Variants in ZNF804B observed in about 807,000 individuals in gnomAD.
The protein encoded by ZNF804B is zinc finger protein 804B, also known as zinc finger 804B.
Under a neutral mutation model 101.4 loss-of-function variants are expected in ZNF804B, and 80 were observed. The observed-to-expected ratio is 0.79, with a 90% CI of 0.66 to 0.95. The LOEUF is 0.95. Ranked by LOEUF, ZNF804B falls within the 40% of genes least tolerant of loss-of-function variation. ZNF804B has a pLI of 0.00. For missense variants in ZNF804B, 1,673 were observed against 1,561.9 expected, an observed-to-expected ratio of 1.07 and a Z score of -1.20; for synonymous variants, 622 against 558.8, an observed-to-expected ratio of 1.11 and a Z score of -1.59.
At chr7:89,079,989 T>A (rs764880342) in intron 1 of ZNF804B, among the ~76,000 whole-genome samples, 1 of 151,864 alleles carries the variant, frequency 6.6e-6, no homozygotes, top group Admixed American at 6.6e-5. Flanking sequence ...ATGAAGGCTT[T>A]GAGCTTTGGC....
chr7:89,008,734 T>C (rs962890898), intron 1 of ZNF804B, among the ~76,000 whole-genome samples: 2 of 152,124 alleles, frequency 1.3e-5, no homozygotes, highest in African/African-American at 4.8e-5. Context: ...TTTATTCCCA[T>C]CTTTCACTCA....
chr7:89,278,602 T>C (rs927118105), intron 2 of ZNF804B, among the ~76,000 whole-genome samples: 1 of 152,114 alleles, frequency 6.6e-6, no homozygotes, highest in African/African-American at 2.4e-5. Flanking sequence ...ATTTATTAAA[T>C]AAGGAATCCT....
Position 89,211,539 on chromosome 7 carries a change from G to A in ZNF804B, c.109-6616G>A, listed in dbSNP as rs755749934. ...CTTAATCCATATTGAGTTAATTTTT[G>A]TATAAGGTGAAAGGAAGGGGTCCAG... On this transcript the variant is annotated intron_variant, in intron 1 of 3. Transcript: ENST00000333190. Among the ~76,000 whole-genome samples, 7 of 152,150 alleles carry A rather than the reference G, an allele frequency of 4.6e-5. No homozygotes were observed. The East Asian group carries it at 1.2e-3, about 25-fold the overall frequency.
At chr7:88,769,532 T>G (rs953083255) in intron 1 of ZNF804B, among the ~76,000 whole-genome samples, 1 of 152,230 alleles carries the variant, frequency 6.6e-6, no homozygotes, top group Non-Finnish European at 1.5e-5. Context: ...GTACATGAGT[T>G]AGTTAAGCCG....
intron 1 of ZNF804B, among the ~76,000 whole-genome samples, chr7:88,884,489 T>C (rs1305012800): frequency 6.6e-6 from 1 of 151,782 alleles, no homozygotes; most frequent in Non-Finnish European, 1.5e-5. Context: ...CGTTTTATCT[T>C]AAAGTTTAAA....
At chr7:89,189,984 G>A (rs1788429213) in intron 1 of ZNF804B, among the ~76,000 whole-genome samples, 1 of 151,998 alleles carries the variant, frequency 6.6e-6, no homozygotes, top group African/African-American at 2.4e-5. Flanking sequence ...TATTCTAGAT[G>A]CCATTAAGAA....
intron 1 of ZNF804B, among the ~76,000 whole-genome samples, chr7:89,105,071 A>T (rs77319066): frequency 6.6e-6 from 1 of 152,068 alleles, no homozygotes; most frequent in African/African-American, 2.4e-5. Flanking sequence ...TCTGATTTCA[A>T]TGGTTACTTG....
intron 1 of ZNF804B, among the ~76,000 whole-genome samples, chr7:89,007,458 A>ATATATATATG (rs1788383566): frequency 8.1e-6 from 1 of 123,666 alleles, no homozygotes; most frequent in East Asian, 2.4e-4. Flanking sequence ...ATATATATAT[A>ATATATATATG]TATATATATA....
chr7:88,882,017 A>T (rs1302373278), intron 1 of ZNF804B, among the ~76,000 whole-genome samples: 1 of 152,158 alleles, frequency 6.6e-6, no homozygotes, highest in African/African-American at 2.4e-5. Flanking sequence ...CAATAAAACC[A>T]AAACAAAGCT....
chr7:89,014,205 A>C (rs550681419), intron 1 of ZNF804B, among the ~76,000 whole-genome samples: 2 of 152,062 alleles, frequency 1.3e-5, no homozygotes, highest in Non-Finnish European at 2.9e-5. Context: ...CTGCACCCTC[A>C]CCAACATTAA....
At chr7:89,231,964 TA>T (rs1789199004) in intron 2 of ZNF804B, among the ~76,000 whole-genome samples, 1 of 152,130 alleles carries the variant, frequency 6.6e-6, no homozygotes, top group Non-Finnish European at 1.5e-5. Flanking sequence ...TGGTGTTGAA[TA>T]AAAGATGCAG....
chr7:89,193,833 C>T (rs13222522), intron 1 of ZNF804B, among the ~76,000 whole-genome samples: 95,016 of 151,302 alleles, frequency 0.63, 30,606 homozygotes, highest in African/African-American at 0.74. Flanking sequence ...TGCCCAGTAA[C>T]GGGATGGCTG....
rs112215291 is a variant in ZNF804B at position 89,024,782 on chromosome 7, C to T, written c.109-193373C>T. ...GTAGTCTATGGAGCCATCAACTCCC[C>T]ATTCTTCTGGTTATACAAAATGATA... On this transcript the variant is annotated intron_variant, in intron 1 of 3. Coordinates refer to ENST00000333190, the MANE Select transcript of ZNF804B (RefSeq NM_181646.5). Among the ~76,000 whole-genome samples the T allele has an allele frequency of 4.2e-3, 642 of 151,744 alleles. 8 individuals carry two copies. The highest frequency in any genetic ancestry group is 0.014 in the African/African-American group (598 of 41,394).
At chr7:88,826,936 AT>A (rs911703102) in intron 1 of ZNF804B, among the ~76,000 whole-genome samples, 2 of 152,122 alleles carry the variant, frequency 1.3e-5, no homozygotes, top group African/African-American at 4.8e-5. Flanking sequence ...AAAAGTGAAT[AT>A]GTTTCCAAGA....
At chr7:89,270,665 C>T (rs1789878798) in intron 2 of ZNF804B, among the ~76,000 whole-genome samples, 1 of 152,150 alleles carries the variant, frequency 6.6e-6, no homozygotes. Context: ...GCAATATGGC[C>T]ATTTTCATGA....
chr7:89,262,187 C>G (rs2115815845), intron 2 of ZNF804B, among the ~76,000 whole-genome samples: 1 of 152,308 alleles, frequency 6.6e-6, no homozygotes. Flanking sequence ...AAGAATCTAT[C>G]AAGTAGAGCT....
intron 1 of ZNF804B, among the ~76,000 whole-genome samples, chr7:89,044,653 TA>T (rs1202047579): frequency 6.6e-6 from 1 of 151,772 alleles, no homozygotes; most frequent in Non-Finnish European, 1.5e-5. Flanking sequence ...GGAACTGGAG[TA>T]AAAATGACTC....
intron 1 of ZNF804B, among the ~76,000 whole-genome samples, chr7:88,850,305 G>C (rs1404398718): frequency 1.3e-5 from 2 of 152,040 alleles, no homozygotes; most frequent in African/African-American, 4.8e-5. Flanking sequence ...GAGTTAAGGA[G>C]ATAAAACTGG....
At chr7:88,946,399 T>G (rs986514543) in intron 1 of ZNF804B, among the ~76,000 whole-genome samples, 1 of 152,054 alleles carries the variant, frequency 6.6e-6, no homozygotes, top group Non-Finnish European at 1.5e-5. Flanking sequence ...TTACATTTAT[T>G]GATTTGTGTA....
Sources: allele counts gnomAD v4.1 joint callset (sites outside exome capture counted in the v4.1 genomes callset), GRCh38; gene constraint gnomAD v4.1.1; transcripts MANE v1.5; gene names NCBI Gene and HGNC (gene_info 2026-07-23, HGNC 2026-07-21).